The following FRAS1 variants were observed in gnomAD, a reference collection of about 807,000 sequenced individuals.
The protein encoded by FRAS1 is Fraser extracellular matrix complex subunit 1.
A neutral mutation model predicts 435.2 loss-of-function variants in FRAS1; 290 were observed. The ratio of observed to expected loss-of-function variants is 0.67; its 90% CI spans 0.61 to 0.73. FRAS1 has a LOEUF of 0.73. Among genes scored for constraint, FRAS1 ranks in the 30% least tolerant of loss-of-function variants. The pLI is 0.00. For missense variants in FRAS1, 4,860 were observed against 5,001.5 expected, an observed-to-expected ratio of 0.97 and a Z score of 0.85; for synonymous variants, 1,800 against 1,851.0, an observed-to-expected ratio of 0.97 and a Z score of 0.71.
chr4:78,075,474 G>A (rs539442890), intron 2 of FRAS1, among the ~76,000 whole-genome samples: 20 of 152,204 alleles, frequency 1.3e-4, no homozygotes, highest in South Asian at 1.2e-3. Flanking sequence ...AGCAGCAGTC[G>A]ACCCAATACC....
chr4:78,307,832 G>C (rs1334167660), intron 14 of FRAS1, among the ~76,000 whole-genome samples: 1 of 152,194 alleles, frequency 6.6e-6, no homozygotes. Context: ...TGCTCACGTT[G>C]GGAGCTGTAG....
chr4:78,521,440 T>C, intron 67 of FRAS1, 83 bp from the exon 68 acceptor site: 3 of 785,244 alleles, frequency 3.8e-6, no homozygotes, highest in Non-Finnish European at 6.5e-6. Context: ...TACTTGGAGG[T>C]GTCCTTGGGA....
rs542361709 is a variant in FRAS1 at position 78,201,013 on chromosome 4, C to T, written c.109-36497C>T. ...ATTCTGTTTTCAAGCCTTCCTTTCT[C>T]TTCAACATAATGAGTTCTCAGTAAT... On this transcript the variant is annotated intron_variant, in intron 2 of 73. Coordinates refer to ENST00000512123, the MANE Select transcript of FRAS1 (RefSeq NM_025074.7). Among the ~76,000 whole-genome samples, 9 of 151,240 alleles carry T rather than the reference C, an allele frequency of 6.0e-5. 1 individual carries two copies. The South Asian group carries it at 1.9e-3, about 31-fold the overall frequency.
intron 2 of FRAS1, among the ~76,000 whole-genome samples, chr4:78,165,128 A>C (rs769365471): frequency 1.6e-4 from 25 of 152,208 alleles, no homozygotes; most frequent in Non-Finnish European, 3.5e-4. Context: ...TGTCCAGGTA[A>C]AACTGAGAGC....
chr4:78,374,793 A>G (rs1447188797), intron 25 of FRAS1, among the ~76,000 whole-genome samples: 2 of 152,208 alleles, frequency 1.3e-5, no homozygotes, highest in Admixed American at 6.5e-5. Context: ...CTTGGTTCGT[A>G]TGCCCCACTG....
chr4:78,484,478 T>A (rs899981701), intron 58 of FRAS1, among the ~76,000 whole-genome samples: 7 of 152,188 alleles, frequency 4.6e-5, no homozygotes, highest in Non-Finnish European at 1.0e-4. Context: ...TGAAGCAGCC[T>A]CATTTATCAT....
chr4:78,136,829 T>C (rs1719938563), intron 2 of FRAS1, among the ~76,000 whole-genome samples: 1 of 152,206 alleles, frequency 6.6e-6, no homozygotes, highest in South Asian at 2.1e-4. Flanking sequence ...TGACACTAAA[T>C]AGCTCTTCCA....
rs111997642 is a variant in FRAS1 at position 78,058,122 on chromosome 4, G to T, written c.76+37G>T. On this transcript the variant is annotated intron_variant, in intron 1 of 73. Coordinates refer to ENST00000512123, the MANE Select transcript of FRAS1 (RefSeq NM_025074.7). ...GTGCCGCGTGTGTGTGTGTGTGTGC[G>T]TGTGCGTGTGTGTGTGTATGTGTGA... The T allele has an allele frequency of 2.2e-4, 334 of 1,533,384 alleles. No individual in the cohort carries two copies. The African/African-American group carries it at 2.2e-3, about 10-fold the overall frequency. 95.0% of individuals were successfully genotyped at this position (1,533,384 alleles called of 1,614,324 possible).
At chr4:78,397,861 C>T (rs1412767593) in intron 29 of FRAS1, among the ~76,000 whole-genome samples, 1 of 152,150 alleles carries the variant, frequency 6.6e-6, no homozygotes, top group Admixed American at 6.5e-5. Context: ...AAATTATGGG[C>T]TGAAGTGGTC....
intron 2 of FRAS1, among the ~76,000 whole-genome samples, chr4:78,171,857 C>T (rs993119437): frequency 7.2e-5 from 11 of 152,098 alleles, no homozygotes; most frequent in Non-Finnish European, 1.0e-4. Context: ...AATACAGGCT[C>T]GTTGACCCGG....
intron 6 of FRAS1, among the ~76,000 whole-genome samples, chr4:78,260,254 C>G (rs1202631855): frequency 6.6e-6 from 1 of 151,506 alleles, no homozygotes; most frequent in African/African-American, 2.4e-5. Flanking sequence ...TCATTGGTAG[C>G]TTGATGGGGA....
At position 78,149,081 on chromosome 4, in the gene FRAS1, C is replaced by A. The variant is rs565711931; in HGVS notation, c.108+83065C>A. On this transcript the variant is annotated intron_variant, in intron 2 of 73. Coordinates refer to ENST00000512123, the MANE Select transcript of FRAS1 (RefSeq NM_025074.7). ...GCAACAGACTTGGAACTCTATTGCC[C>A]TTTTTTTTGTATTTTGGCTTTCCCC... Among the ~76,000 whole-genome samples the A allele has an allele frequency of 4.1e-4, 63 of 151,918 alleles. 1 individual carries two copies. The highest frequency in any genetic ancestry group is 1.4e-3 in the African/African-American group (60 of 41,448).
chr4:78,511,137 G>A lies in FRAS1; in HGVS notation c.9781-137G>A, dbSNP rs77187143. The A allele has an allele frequency of 1.8e-3, 1,259 of 718,058 alleles. 19 individuals carry two copies. In the East Asian group the frequency reaches 0.031, roughly 18 times the overall value. The allele number at this position is 718,058 out of a possible 1,614,324, so 44.5% of individuals were successfully genotyped here. On this transcript the variant is annotated intron_variant, in intron 63 of 73. Coordinates refer to ENST00000512123, the MANE Select transcript of FRAS1 (RefSeq NM_025074.7). ...TTCATAGTTAAAAGTCAATAATTAC[G>A]TGATGAATGAATGAATAGATGGAAA...
At chr4:78,301,112 G>T (rs1728371140) in intron 14 of FRAS1, among the ~76,000 whole-genome samples, 1 of 152,176 alleles carries the variant, frequency 6.6e-6, no homozygotes, top group Admixed American at 6.5e-5. Flanking sequence ...CCTCCAAAGG[G>T]ATGCCTACTT....
At chr4:78,252,232 TGC>T (rs1201103148) in intron 4 of FRAS1, among the ~76,000 whole-genome samples, 158 bp from the exon 5 acceptor site, 1 of 152,180 alleles carries the variant, frequency 6.6e-6, no homozygotes, top group African/African-American at 2.4e-5. Flanking sequence ...CTTGAAGCCT[TGC>T]AAATTCCACT....
chr4:78,455,421 G>T (rs1394576699), intron 47 of FRAS1, among the ~76,000 whole-genome samples: 1 of 63,708 alleles, frequency 1.6e-5, no homozygotes, highest in Non-Finnish European at 3.5e-5. Context: ...GAGTTGAGGA[G>T]GGAGGGGGTT....
At chr4:78,411,687 A>G (rs1733342547) in intron 31 of FRAS1, among the ~76,000 whole-genome samples, 1 of 152,196 alleles carries the variant, frequency 6.6e-6, no homozygotes, top group African/African-American at 2.4e-5. Flanking sequence ...TGTCTTTACT[A>G]GATTGATTCA....
At chr4:78,293,366 G>A (rs1727991224) in intron 14 of FRAS1, among the ~76,000 whole-genome samples, 1 of 152,130 alleles carries the variant, frequency 6.6e-6, no homozygotes, top group Non-Finnish European at 1.5e-5. Flanking sequence ...ATTGCATAGA[G>A]AGCAATCAAC....
chr4:78,543,660 A>G lies in FRAS1; in HGVS notation c.*2536A>G, dbSNP rs1242611387. The G allele has an allele frequency of 6.6e-6, 1 of 152,230 alleles. No homozygotes were observed. Among genetic ancestry groups the G allele is most frequent in the Non-Finnish European group, 1.5e-5 (1 of 68,050 alleles). 9.4% of individuals were successfully genotyped at this position (152,230 alleles called of 1,614,324 possible). A position where few individuals can be genotyped will look rare whatever the true frequency, so the allele number is the denominator to read the frequency against. On this transcript the variant is annotated 3_prime_UTR_variant, in exon 74 of 74. Coordinates refer to ENST00000512123, the MANE Select transcript of FRAS1 (RefSeq NM_025074.7). ...TCTAGTGGATGCACACTTGTTAAAT[A>G]GTGTTAAGAGATGTGGAGATGAGAT...
Sources: allele counts gnomAD v4.1 joint callset (sites outside exome capture counted in the v4.1 genomes callset), GRCh38; gene constraint gnomAD v4.1.1; transcripts MANE v1.5; gene names NCBI Gene and HGNC (gene_info 2026-07-23, HGNC 2026-07-21).